RAPSN: variants seen among roughly 807,000 people sequenced by gnomAD.
RAPSN encodes the protein receptor associated protein of the synapse, also known as 43 kDa receptor-associated protein of the synapse.
RAPSN carries 33 observed loss-of-function variants against 45.7 expected under a neutral mutation model. The observed-to-expected ratio is 0.72, with a 90% CI of 0.55 to 0.97. The LOEUF (loss-of-function observed/expected upper bound fraction) is 0.97, where lower values mean the gene tolerates loss of function less well. Among genes scored for constraint, RAPSN ranks in the 50% least tolerant of loss-of-function variants. The pLI, the probability that RAPSN is intolerant of heterozygous loss-of-function variation, is 0.00. For synonymous variants in RAPSN, 244 were observed against 233.6 expected, an observed-to-expected ratio of 1.04 and a Z score of -0.40; for missense variants, 519 against 559.4, an observed-to-expected ratio of 0.93 and a Z score of 0.73.
At position 47,441,185 on chromosome 11, in the gene RAPSN, C is replaced by T. The variant is rs1382072385; in HGVS notation, c.940G>A (p.Asp314Asn). 6.2e-7 allele frequency: 1 copy of T among 1,614,106 alleles called. No homozygotes were observed. The part of the protein sequence containing the change: ...KALDAIERAQ[D>N]LAEEVGNKLS... ...TTGTTCCCCACCTCCTCGGCCAGAT[C>T]CTGGGCTCTCTCGATGGCATCCAGA... The change falls in exon 6 of 8, where the codon GAT (aspartate) becomes AAT (asparagine). Residue 314 changes from aspartate (D) to asparagine (N), a missense_variant. Asp to Asn is a conservative substitution (Grantham distance 23). Transcript: ENST00000298854.
chr11:47,447,705 GCCCT>G, intron 2 of RAPSN, 103 bp downstream of exon 2: 1 of 1,292,844 alleles, frequency 7.7e-7, no homozygotes, highest in Non-Finnish European at 1.1e-6. Flanking sequence ...ACTCTCCTCA[GCCCT>G]CCCTAAAAGG....
chr11:47,443,030 G>C (rs2076378198), intron 2 of RAPSN, among the ~76,000 whole-genome samples: 1 of 152,228 alleles, frequency 6.6e-6, no homozygotes, highest in Non-Finnish European at 1.5e-5. Context: ...TCTGGTTTGT[G>C]ACGCATCCCA....
In RAPSN at chr11:47,438,727, C is replaced by T. The variant is rs2153306671; in HGVS notation, c.1166+5G>A. 1.3e-6 allele frequency: 2 copies of T among 1,559,212 alleles called. No homozygotes were observed. Among genetic ancestry groups the T allele is most frequent in the East Asian group, 2.4e-5 (1 of 42,318 alleles). On this transcript the variant is annotated splice_donor_5th_base_variant and intron_variant, in intron 7 of 7. Transcript: ENST00000298854. Reference sequence around the variant, plus strand: ...ACCCCTGTCCACCCCCCCAGGAGCCCCCACCTGAGGTGGAAGATGTGGGAG... The same window carrying T: ...ACCCCTGTCCACCCCCCCAGGAGCCTCCACCTGAGGTGGAAGATGTGGGAG...
chr11:47,449,107 T>C lies in RAPSN; in HGVS notation c.-143A>G. On this transcript the variant is annotated 5_prime_UTR_variant, in exon 1 of 8. Transcript: ENST00000298854. ...GTCGGGTGGGAGCCGGAATGGGGCC[T>C]GGATGGAGAGCAGGCGCCACCCTGG... The C allele has an allele frequency of 2.0e-6, 2 of 995,016 alleles. No individual in the cohort carries two copies. Among genetic ancestry groups the C allele is most frequent in the Non-Finnish European group, 3.1e-6 (2 of 648,266 alleles). The allele number at this position is 995,016 out of a possible 1,614,324, so 61.6% of individuals were successfully genotyped here. A position where few individuals can be genotyped will look rare whatever the true frequency, so the allele number is the denominator to read the frequency against.
intron 6 of RAPSN, among the ~76,000 whole-genome samples, chr11:47,439,451 G>C (rs2076345773): frequency 6.6e-6 from 1 of 150,684 alleles, no homozygotes. Flanking sequence ...TCCAGCCTGG[G>C]CTCTAATAGT....
At chr11:47,446,941 C>T (rs945867062) in intron 2 of RAPSN, among the ~76,000 whole-genome samples, 13 of 152,136 alleles carry the variant, frequency 8.5e-5, no homozygotes, top group African/African-American at 3.1e-4. Context: ...TCAGAACCTG[C>T]TGTGGCTGAT....
At position 47,448,102 on chromosome 11, in the gene RAPSN, A is replaced by G. The variant is rs57878668; in HGVS notation, c.241T>C (p.Phe81Leu). 9,177 of 1,613,790 alleles carry G rather than the reference A, an allele frequency of 5.7e-3. 131 individuals carry two copies. The highest frequency in any genetic ancestry group is 0.049 in the African/African-American group (3,641 of 74,980). Residue 81 changes from phenylalanine to leucine, a missense_variant, in exon 2 of 8, where the codon TTC (phenylalanine) becomes CTC (leucine). Transcript: ENST00000298854. ...AGGTTCAGGTAGCTCTCCAGGAGGAAGTCGGCATCCTCCAGCTCCCGGGCC... is the reference window on the plus strand; with the variant it reads ...AGGTTCAGGTAGCTCTCCAGGAGGAGGTCGGCATCCTCCAGCTCCCGGGCC... ...DTARELEDAD[F>L]LLESYLNLAR... is the part of the protein sequence containing the mutation.
chr11:47,438,760 G>GAACA lies in RAPSN; in HGVS notation c.1137_1138insTGTT (p.Leu380CysfsTer98). 3.8e-6 allele frequency: 6 copies of GAACA among 1,564,742 alleles called. No homozygotes were observed. Among genetic ancestry groups the GAACA allele is most frequent in the Non-Finnish European group, 5.2e-6 (6 of 1,151,222 alleles). ...AGGTGGAAGATGTGGGAGCAAGGTA[G>GAACA]GGCCTGCAGCCGGCTGTTCTTCTCG... On this transcript the variant is annotated frameshift_variant, in exon 7 of 8. Coordinates refer to ENST00000298854, the MANE Select transcript of RAPSN (RefSeq NM_005055.5). LOFTEE classifies it high-confidence loss of function.
chr11:47,441,895 G>A lies in RAPSN; in HGVS notation c.717C>T (p.His239=), dbSNP rs576729861. ...AGAGCGCCTGCAGTGGCCGGTCCCC[G>A]TGCTGCAGCGCGATCTTCATAGACT... ...CEESMKIALQ[H]GDRPLQALCL... Residue 239 remains histidine, a synonymous_variant, in exon 4 of 8, where the codon CAC becomes CAT. Transcript: ENST00000298854. 30 of 1,582,144 alleles carry A rather than the reference G, an allele frequency of 1.9e-5. No individual in the cohort carries two copies. The highest frequency in any genetic ancestry group is 4.6e-5 in the East Asian group (2 of 43,600).
At chr11:47,448,680 G>T in intron 1 of RAPSN, 93 bp downstream of exon 1, 2 of 1,515,716 alleles carry the variant, frequency 1.3e-6, no homozygotes, top group Non-Finnish European at 1.8e-6. Context: ...TGGGACACAG[G>T]GGAGCCCGAG....
Position 47,438,941 on chromosome 11 carries a change from G to A in RAPSN, c.967-10C>T, listed in dbSNP as rs754320492. ...GCTTGAGCTGGCTCAGCTGGGGCCC[G>A]CAGGAGTGGAGAGCGCCAGTGGGGG... On this transcript the variant is annotated splice_polypyrimidine_tract_variant and intron_variant, in intron 6 of 7. Coordinates refer to ENST00000298854, the MANE Select transcript of RAPSN (RefSeq NM_005055.5). The A allele has an allele frequency of 1.1e-5, 17 of 1,553,564 alleles. No homozygotes were observed. Among genetic ancestry groups the A allele is most frequent in the Middle Eastern group, 1.7e-4 (1 of 5,764 alleles).
In RAPSN at chr11:47,438,939, C is replaced by T. The variant is rs2153306935; in HGVS notation, c.967-8G>A. 6.4e-7 allele frequency: 1 copy of T among 1,554,332 alleles called. No homozygotes were observed. The highest frequency in any genetic ancestry group is 8.7e-7 in the Non-Finnish European group (1 of 1,148,898). ...CAGCTTGAGCTGGCTCAGCTGGGGCCCGCAGGAGTGGAGAGCGCCAGTGGG... is the reference window on the plus strand; with the variant it reads ...CAGCTTGAGCTGGCTCAGCTGGGGCTCGCAGGAGTGGAGAGCGCCAGTGGG... On this transcript the variant is annotated splice_region_variant and splice_polypyrimidine_tract_variant and intron_variant, in intron 6 of 7. Transcript: ENST00000298854.
intron 6 of RAPSN, among the ~76,000 whole-genome samples, chr11:47,439,689 A>T (rs1458369216): frequency 6.8e-6 from 1 of 147,352 alleles, no homozygotes; most frequent in Non-Finnish European, 1.5e-5. Flanking sequence ...TCAAGATTTT[A>T]AGGTTTTAAT....
In RAPSN at chr11:47,448,007, C is replaced by A. The variant is rs747080013; in HGVS notation, c.336G>T (p.Leu112=). Residue 112 remains leucine, a synonymous_variant, in exon 2 of 8, where the codon CTG becomes CTT. Coordinates refer to ENST00000298854, the MANE Select transcript of RAPSN (RefSeq NM_005055.5). ...TISYCKTCLG[L]PGTRAGAQLG... is the part of the protein sequence containing the mutation. ...GCTGGGCACCTGCCCTGGTACCAGG[C>A]AGCCCAAGGCAGGTCTTGCAGTAGG... 8 of 1,613,896 alleles carry A rather than the reference C, an allele frequency of 5.0e-6. No homozygotes were observed. In the South Asian group the frequency reaches 8.8e-5, roughly 18 times the overall value.
chr11:47,444,908 T>C (rs911441799), intron 2 of RAPSN, among the ~76,000 whole-genome samples: 3 of 141,050 alleles, frequency 2.1e-5, no homozygotes, highest in African/African-American at 5.3e-5. Flanking sequence ...CTGTGTGTCA[T>C]ATTACTACAA....
rs2076324962 is a variant in RAPSN at position 47,437,849 on chromosome 11, CAGGCCCCA to C, written c.*118_*125del. The C allele has an allele frequency of 2.5e-6, 3 of 1,215,002 alleles. No homozygotes were observed. Among genetic ancestry groups the C allele is most frequent in the Non-Finnish European group, 3.5e-6 (3 of 846,198 alleles). 75.3% of individuals were successfully genotyped at this position (1,215,002 alleles called of 1,614,324 possible). On this transcript the variant is annotated 3_prime_UTR_variant, in exon 8 of 8. Coordinates refer to ENST00000298854, the MANE Select transcript of RAPSN (RefSeq NM_005055.5). The stretch of plus-strand genomic sequence containing the variant: ...CTGGGCCCAGGGGAGCAGCCCTGGG[CAGGCCCCA>C]AGGCCTTGGCTATGGTGAGGACGAC...
rs139790291 is a variant in RAPSN at position 47,441,542 on chromosome 11, G to A, written c.912+69C>T. 3.1e-3 allele frequency: 5,002 copies of A among 1,595,334 alleles called. 8 individuals are homozygous for A. Among genetic ancestry groups the A allele is most frequent in the Non-Finnish European group, 4.0e-3 (4,686 of 1,177,872 alleles). Reference sequence around the variant, plus strand: ...GTCAGACAAAGTGGCTGAAAGAGCCGGCTAACCTACTGGCCCCAAGTGGGG... The same window carrying A: ...GTCAGACAAAGTGGCTGAAAGAGCCAGCTAACCTACTGGCCCCAAGTGGGG... On this transcript the variant is annotated intron_variant, in intron 5 of 7. Transcript: ENST00000298854.
At chr11:47,441,273 G>T in intron 5 of RAPSN, 61 bp from the exon 6 acceptor site, 1 of 1,598,760 alleles carries the variant, frequency 6.3e-7, no homozygotes. Flanking sequence ...TTGCTCACAG[G>T]GAAGCACAGG....
At chr11:47,439,239 C>T (rs1056874827) in intron 6 of RAPSN, among the ~76,000 whole-genome samples, 6 of 152,124 alleles carry the variant, frequency 3.9e-5, no homozygotes, top group Non-Finnish European at 5.9e-5. Context: ...TTGGGGAGGC[C>T]GAGGCAGGTG....
Sources: gnomAD v4.1 joint callset for allele counts (sites outside exome capture counted in the v4.1 genomes callset) on GRCh38, gnomAD v4.1.1 for gene constraint, MANE v1.5 for transcripts, NCBI Gene and HGNC (gene_info 2026-07-23, HGNC 2026-07-21) for gene names.